Variants in APPL1 observed in about 807,000 individuals in gnomAD.
APPL1 encodes adaptor protein, phosphotyrosine interacting with PH domain and leucine zipper 1, also known as DCC-interacting protein 13-alpha.
APPL1 carries 42 observed loss-of-function variants against 106.8 expected under a neutral mutation model. The observed-to-expected ratio is 0.39, with a 90% CI of 0.31 to 0.51. The LOEUF (loss-of-function observed/expected upper bound fraction) is 0.51. APPL1 is among the 20% of genes least tolerant of loss of function. The probability of loss-of-function intolerance (pLI) is 0.75; values close to 1 mark genes in which losing one functional copy is unlikely to be tolerated. For missense variants in APPL1, 769 were observed against 858.2 expected (o/e 0.90, Z 1.30); for synonymous variants, 263 against 281.8 (o/e 0.93, Z 0.67).
intron 11 of APPL1, among the ~76,000 whole-genome samples, chr3:57,249,981 T>G (rs2060794630): frequency 6.6e-6 from 1 of 151,482 alleles, no homozygotes; most frequent in African/African-American, 2.4e-5. Flanking sequence ...GGGGGGGGGT[T>G]GTAATCCCTA....
chr3:57,249,308 T>G (rs1012369437), intron 10 of APPL1, 52 bp from the exon 11 acceptor site: 5,865 of 1,525,934 alleles, frequency 3.8e-3, no homozygotes, highest in Non-Finnish European at 4.9e-3. Context: ...TAGCTGATGA[T>G]GAGATTTCAG....
At chr3:57,264,198 A>G (rs950627067) in intron 19 of APPL1, among the ~76,000 whole-genome samples, 2 of 152,180 alleles carry the variant, frequency 1.3e-5, no homozygotes, top group African/African-American at 2.4e-5. Flanking sequence ...AAAAATGTCT[A>G]TTCAAATATT....
At chr3:57,233,517 G>A (rs1172046681) in intron 1 of APPL1, among the ~76,000 whole-genome samples, 1 of 151,592 alleles carries the variant, frequency 6.6e-6, no homozygotes, top group Non-Finnish European at 1.5e-5. Context: ...AAACGAAGCG[G>A]CAGATTTTTT....
At chr3:57,244,356 A>G (rs1287187206) in intron 7 of APPL1, among the ~76,000 whole-genome samples, 1 of 152,132 alleles carries the variant, frequency 6.6e-6, no homozygotes, top group African/African-American at 2.4e-5. Flanking sequence ...GGGTTTCACC[A>G]TGTTGGCCAG....
At chr3:57,245,283 T>C (rs1453874522) in intron 7 of APPL1, among the ~76,000 whole-genome samples, 2 of 152,180 alleles carry the variant, frequency 1.3e-5, no homozygotes, top group Admixed American at 1.3e-4. Flanking sequence ...AAATATTTGT[T>C]GTCTGAATAA....
In APPL1 at chr3:57,259,872, T is replaced by C. The variant is rs368758377; in HGVS notation, c.1511T>C (p.Val504Ala). ...TCTATTCTTCATCAGTTATTTATTG[T>C]CCGATTCCTTGGTTCAATGGAGGTG... ...EDSILHQLFIVRFLGSMEVKS... is the reference protein window; with the variant it reads ...EDSILHQLFIARFLGSMEVKS... The change falls in exon 17 of 22, where the codon GTC (valine) becomes GCC (alanine). Residue 504 changes from valine to alanine, a missense_variant. Physicochemically the swap from Val to Ala is moderately conservative, Grantham distance 64. Coordinates refer to ENST00000288266, the MANE Select transcript of APPL1 (RefSeq NM_012096.3). 2 of 1,607,500 alleles carry C rather than the reference T, an allele frequency of 1.2e-6. No individual in the cohort carries two copies. The highest frequency in any genetic ancestry group is 1.7e-6 in the Non-Finnish European group (2 of 1,178,174).
chr3:57,232,671 T>C (rs1356657834), intron 1 of APPL1, among the ~76,000 whole-genome samples: 1 of 152,120 alleles, frequency 6.6e-6, no homozygotes, highest in African/African-American at 2.4e-5. Context: ...AATGATAATG[T>C]ATAGGAAAAC....
In APPL1 at chr3:57,255,788, A is replaced by G. The variant is rs141306499; in HGVS notation, c.1153-1169A>G. ...TTTTGTAAGGTTATTTGGGAACAAC[A>G]AAAAATACCATTAAAATACAAATTA... On this transcript the variant is annotated intron_variant, in intron 13 of 21. Coordinates refer to ENST00000288266, the MANE Select transcript of APPL1 (RefSeq NM_012096.3). Among the ~76,000 whole-genome samples, 1,256 of 152,308 alleles carry G rather than the reference A, an allele frequency of 8.2e-3. 19 individuals carry two copies. The highest frequency in any genetic ancestry group is 0.028 in the African/African-American group (1,164 of 41,580).
chr3:57,231,723 G>A (rs1002238599), intron 1 of APPL1, among the ~76,000 whole-genome samples: 1 of 151,010 alleles, frequency 6.6e-6, no homozygotes, highest in Non-Finnish European at 1.5e-5. Flanking sequence ...CAGGAGGATC[G>A]ATTGAGTCCA....
intron 13 of APPL1, among the ~76,000 whole-genome samples, chr3:57,254,956 C>T (rs1250700576): frequency 6.6e-6 from 1 of 152,254 alleles, no homozygotes; most frequent in African/African-American, 2.4e-5. Flanking sequence ...GAATACAAAA[C>T]TGAAATGTGC....
chr3:57,262,385 C>CTTTTTT (rs373526618), intron 19 of APPL1, among the ~76,000 whole-genome samples: 1,315 of 29,068 alleles, frequency 0.045, 402 homozygotes, highest in Admixed American at 0.069. Flanking sequence ...GGAAAATAAC[C>CTTTTTT]TTTTTTTTTT....
At chr3:57,231,852 C>A (rs1486906735) in intron 1 of APPL1, among the ~76,000 whole-genome samples, 1 of 150,678 alleles carries the variant, frequency 6.6e-6, no homozygotes, top group African/African-American at 2.4e-5. Context: ...GGAAGACTAT[C>A]CTGAATTACA....
chr3:57,242,980 C>CT (rs1164448250), intron 7 of APPL1, 66 bp downstream of exon 7: 1 of 1,191,586 alleles, frequency 8.4e-7, no homozygotes, highest in African/African-American at 1.5e-5. Flanking sequence ...AGTTTTTCCT[C>CT]TATCAAAATA....
At position 57,242,131 on chromosome 3, in the gene APPL1, T is replaced by C; in HGVS notation, c.404T>C (p.Ile135Thr). 6.3e-7 allele frequency: 1 copy of C among 1,595,104 alleles called. No homozygotes were observed. Among genetic ancestry groups the C allele is most frequent in the Non-Finnish European group, 8.6e-7 (1 of 1,167,586 alleles). The change falls in exon 6 of 22, where the codon ATT becomes ACT. Residue 135 changes from isoleucine to threonine, a missense_variant. By Grantham distance (89) the Ile-to-Thr change is moderately conservative (BLOSUM62 -1). Coordinates refer to ENST00000288266, the MANE Select transcript of APPL1 (RefSeq NM_012096.3). ...CTAACATTAAAGGAAGTATTTCAGA[T>C]TGCAAGTAATGGTAAGCCCTATAAT... is the stretch of plus-strand genomic sequence containing the variant. ...EILTLKEVFQ[I>T]ASNDHDAAIN...
intron 2 of APPL1, among the ~76,000 whole-genome samples, chr3:57,236,078 C>T (rs1409327997): frequency 6.8e-6 from 1 of 148,088 alleles, no homozygotes; most frequent in African/African-American, 2.5e-5. Context: ...GAGCTTTGCC[C>T]TTGTTGCCCA....
Position 57,235,563 on chromosome 3 carries a change from C to T in APPL1, c.55-3C>T. 1 of 1,583,718 alleles carries T rather than the reference C, an allele frequency of 6.3e-7. No homozygotes were observed. Among genetic ancestry groups the T allele is most frequent in the Non-Finnish European group, 8.7e-7 (1 of 1,155,244 alleles). On this transcript the variant is annotated splice_polypyrimidine_tract_variant and splice_region_variant and intron_variant, in intron 1 of 21. Transcript: ENST00000288266. ...ATAAACTTATTGCTATTGTTTTATACAGACAAGGTCTTTACTAGGTGTATT... is the reference window on the plus strand; with the variant it reads ...ATAAACTTATTGCTATTGTTTTATATAGACAAGGTCTTTACTAGGTGTATT...
At chr3:57,266,216 G>A (rs962900699) in intron 19 of APPL1, among the ~76,000 whole-genome samples, 1 of 152,194 alleles carries the variant, frequency 6.6e-6, no homozygotes, top group South Asian at 2.1e-4. Flanking sequence ...CGTAGAATGA[G>A]TTTGGAAGTA....
chr3:57,234,716 C>T (rs545748565), intron 1 of APPL1, among the ~76,000 whole-genome samples: 44 of 152,046 alleles, frequency 2.9e-4, no homozygotes, highest in Non-Finnish European at 5.4e-4. Context: ...AGTGCAGTGG[C>T]GTGATCTCGG....
At chr3:57,261,661 G>A (rs2060866168) in intron 19 of APPL1, among the ~76,000 whole-genome samples, 1 of 152,132 alleles carries the variant, frequency 6.6e-6, no homozygotes, top group South Asian at 2.1e-4. Flanking sequence ...TGGGATTACA[G>A]GTGCCTGCCA....
Sources: gnomAD v4.1 joint callset for allele counts (sites outside exome capture counted in the v4.1 genomes callset) on GRCh38, gnomAD v4.1.1 for gene constraint, MANE v1.5 for transcripts, NCBI Gene and HGNC (gene_info 2026-07-23, HGNC 2026-07-21) for gene names.